Variants in SLC44A1 observed in about 807,000 individuals in gnomAD.
SLC44A1 encodes solute carrier family 44 member 1.
In SLC44A1, 26 loss-of-function variants were observed where a neutral mutation model predicts 79.3. The observed-to-expected ratio is 0.33, with a 90% CI of 0.24 to 0.46. The LOEUF (loss-of-function observed/expected upper bound fraction) is 0.46, where lower values mean the gene tolerates loss of function less well. SLC44A1 is among the 20% of genes least tolerant of loss of function. SLC44A1 has a pLI of 1.00. For synonymous variants in SLC44A1, 263 were observed against 286.2 expected, an observed-to-expected ratio of 0.92 and a Z score of 0.82; for missense variants, 688 against 798.1, an observed-to-expected ratio of 0.86 and a Z score of 1.66.
chr9:105,343,731 C>G (rs1238379719), intron 4 of SLC44A1, among the ~76,000 whole-genome samples: 1 of 151,924 alleles, frequency 6.6e-6, no homozygotes, highest in Non-Finnish European at 1.5e-5. Context: ...TACTTAGTAC[C>G]CATTAAGTAT....
chr9:105,319,379 G>T (rs1262844021), intron 3 of SLC44A1, among the ~76,000 whole-genome samples: 3 of 152,178 alleles, frequency 2.0e-5, no homozygotes, highest in Non-Finnish European at 4.4e-5. Flanking sequence ...CCCTTGGGGA[G>T]AGTGGAGTAC....
chr9:105,383,318 G>T lies in SLC44A1; in HGVS notation c.1828G>T (p.Gly610Trp). 6.2e-7 allele frequency: 1 copy of T among 1,612,860 alleles called. No individual in the cohort carries two copies. Among genetic ancestry groups the T allele is most frequent in the South Asian group, 1.1e-5 (1 of 91,048 alleles). ...TGCCATTGATACAAAATACAATGAT[G>T]GGAGCCCTGGCAGAGAATTCTATAT... is the stretch of plus-strand genomic sequence containing the variant. ...CFAIDTKYNDGSPGREFYMDK... is the reference protein window; with the variant it reads ...CFAIDTKYNDWSPGREFYMDK... The change falls in exon 14 of 16, where the codon GGG becomes TGG. Residue 610 changes from glycine (G) to tryptophan (W), a missense_variant. Gly to Trp is a radical substitution (Grantham distance 184, BLOSUM62 -2). Coordinates refer to ENST00000374720, the MANE Select transcript of SLC44A1 (RefSeq NM_080546.5).
At position 105,394,522 on chromosome 9, in the gene SLC44A1, AT is replaced by A. The variant is rs113020084; in HGVS notation, c.*5467del. On this transcript the variant is annotated 3_prime_UTR_variant, in exon 16 of 16. Transcript: ENST00000374720. ...TTTGCAGTGAGCCAAAAAAAAAAAA[AT>A]ATCCAAGAAGAAATAAATAGGGAAT... 2.2e-3 allele frequency: 2,136 copies of A among 949,650 alleles called. 25 individuals are homozygous for A. The African/African-American group carries it at 0.031, about 14-fold the overall frequency. 58.8% of individuals were successfully genotyped at this position (949,650 alleles called of 1,614,324 possible). A position where few individuals can be genotyped will look rare whatever the true frequency, so the allele number is the denominator to read the frequency against.
intron 15 of SLC44A1, among the ~76,000 whole-genome samples, chr9:105,407,782 A>C (rs1191857656): frequency 1.3e-5 from 2 of 152,106 alleles, no homozygotes; most frequent in Admixed American, 1.3e-4. Flanking sequence ...AAGCAGGAGA[A>C]TCACTTGAAC....
rs1385422972 is a variant in SLC44A1, at chr9:105,419,815, G to A, written c.1951-18466G>A. ...CTGTAATCCAGCTACTCTGGAGGCT[G>A]AGACAGGAGAATCACTTGAACCCGG... is the stretch of plus-strand genomic sequence containing the variant. On this transcript the variant is annotated intron_variant, in intron 15 of 15. Transcript: ENST00000374724. Among the ~76,000 whole-genome samples, 4 of 150,008 alleles carry A rather than the reference G, an allele frequency of 2.7e-5. No individual in the cohort carries two copies. In the South Asian group the frequency reaches 8.4e-4, roughly 32 times the overall value.
intron 5 of SLC44A1, 26 bp downstream of exon 5, chr9:105,348,477 C>T (rs772955444): frequency 2.2e-5 from 30 of 1,334,282 alleles, no homozygotes; most frequent in South Asian, 3.5e-5. Flanking sequence ...AAGTTGTTAA[C>T]TTGTGACTGT....
chr9:105,407,001 G>T (rs567165739), intron 15 of SLC44A1, among the ~76,000 whole-genome samples: 2 of 152,228 alleles, frequency 1.3e-5, no homozygotes, highest in East Asian at 3.9e-4. Context: ...ACTAAGAGGG[G>T]TTCAGTAGCA....
rs1470949596 is a variant in SLC44A1, at chr9:105,391,070, G to A, written c.*2014G>A. ...TCACAAACATTGGGAACTAAATTTA[G>A]AATTGGCAAAAGTCTAGAAGATGGG... On this transcript the variant is annotated 3_prime_UTR_variant, in exon 16 of 16. Transcript: ENST00000374720. 1 of 985,784 alleles carries A rather than the reference G, an allele frequency of 1.0e-6. No individual in the cohort carries two copies. Among genetic ancestry groups the A allele is most frequent in the Admixed American group, 6.1e-5 (1 of 16,276 alleles). 61.1% of individuals were successfully genotyped at this position (985,784 alleles called of 1,614,324 possible).
At chr9:105,404,350 GAC>G (rs1829000816) in intron 15 of SLC44A1, among the ~76,000 whole-genome samples, 3 of 151,760 alleles carry the variant, frequency 2.0e-5, no homozygotes, top group African/African-American at 7.3e-5. Context: ...GTGAAAGAAA[GAC>G]AGGAGTGAAG....
In SLC44A1 at chr9:105,351,666, G is replaced by GAAAGAAAGAAAA. The variant is rs1316476533; in HGVS notation, c.500+3225_500+3226insAAAAAGAAAGAA. ...AGAAAGAAAGAAAGAAAGAAAGAAA[G>GAAAGAAAGAAAA]AAAGAAAGAACCAAGAAAAAAATGT... On this transcript the variant is annotated intron_variant, in intron 5 of 15. Transcript: ENST00000374720. Among the ~76,000 whole-genome samples the GAAAGAAAGAAAA allele has an allele frequency of 4.0e-5, 6 of 150,444 alleles. No individual in the cohort carries two copies. The East Asian group carries it at 1.2e-3, about 29-fold the overall frequency.
chr9:105,416,697 G>T (rs948362990), intron 15 of SLC44A1, among the ~76,000 whole-genome samples: 1 of 152,236 alleles, frequency 6.6e-6, no homozygotes. Flanking sequence ...GGCTGGAAAT[G>T]ATAAGAGATG....
At chr9:105,372,898 C>G (rs1040249659) in intron 12 of SLC44A1, among the ~76,000 whole-genome samples, 10 of 147,474 alleles carry the variant, frequency 6.8e-5, no homozygotes, top group African/African-American at 2.5e-4. Flanking sequence ...TGCAGTGAGC[C>G]GAGATCCCGC....
chr9:105,392,095 G>A lies in SLC44A1; in HGVS notation c.*3039G>A. On this transcript the variant is annotated 3_prime_UTR_variant, in exon 16 of 16. Transcript: ENST00000374720. ...CATCTTCTATGAGAGGCTTACCAGT[G>A]CATTAGTAATAAAACATTAGCAATT... 1.0e-6 allele frequency: 1 copy of A among 985,356 alleles called. No homozygotes were observed. Among genetic ancestry groups the A allele is most frequent in the Non-Finnish European group, 1.2e-6 (1 of 829,876 alleles). 61.0% of individuals were successfully genotyped at this position (985,356 alleles called of 1,614,324 possible).
At chr9:105,379,191 G>T (rs190700692) in intron 13 of SLC44A1, among the ~76,000 whole-genome samples, 1 of 152,250 alleles carries the variant, frequency 6.6e-6, no homozygotes, top group Admixed American at 6.5e-5. Flanking sequence ...TGGGAGAATC[G>T]CTTCAGCCCA....
chr9:105,294,986 T>G (rs1233132397), intron 1 of SLC44A1, among the ~76,000 whole-genome samples: 1 of 151,788 alleles, frequency 6.6e-6, no homozygotes, highest in Non-Finnish European at 1.5e-5. Context: ...AGTACACTGG[T>G]GAGCCTGAGA....
chr9:105,434,272 CAG>C (rs1829436192), intron 15 of SLC44A1, among the ~76,000 whole-genome samples: 1 of 151,916 alleles, frequency 6.6e-6, no homozygotes, highest in Non-Finnish European at 1.5e-5. Flanking sequence ...CCCCTGGAGA[CAG>C]AGGTTGCAGT....
intron 13 of SLC44A1, among the ~76,000 whole-genome samples, chr9:105,376,021 A>G (rs1828269823): frequency 6.6e-6 from 1 of 152,010 alleles, no homozygotes; most frequent in Non-Finnish European, 1.5e-5. Context: ...GATAATCTTC[A>G]CAATTATTCA....
chr9:105,397,965 AAAAAAAG>A (rs1828907953), downstream of SLC44A1, among the ~76,000 whole-genome samples: 1 of 150,160 alleles, frequency 6.7e-6, no homozygotes, highest in Non-Finnish European at 1.5e-5. Flanking sequence ...AAAAAAAAAG[AAAAAAAG>A]AAAAGAAAAG....
chr9:105,402,538 G>A (rs1828971544), intron 15 of SLC44A1, among the ~76,000 whole-genome samples: 1 of 152,150 alleles, frequency 6.6e-6, no homozygotes, highest in African/African-American at 2.4e-5. Flanking sequence ...TAAAATCTCT[G>A]TAGTGATAGG....
Sources: allele counts gnomAD v4.1 joint callset (sites outside exome capture counted in the v4.1 genomes callset), GRCh38; gene constraint gnomAD v4.1.1; transcripts MANE v1.5; gene names NCBI Gene and HGNC (gene_info 2026-07-23, HGNC 2026-07-21).